Variants in DLGAP4 observed in about 807,000 individuals in gnomAD.
DLGAP4 encodes disks large-associated protein 4.
A neutral mutation model predicts 86.9 loss-of-function variants in DLGAP4; 18 were observed. That is an observed-to-expected ratio of 0.21 (90% CI 0.14 to 0.31). The LOEUF (loss-of-function observed/expected upper bound fraction) is 0.31, where lower values mean the gene tolerates loss of function less well. DLGAP4 is among the 10% of genes least tolerant of loss of function. The pLI is 1.00. For missense variants in DLGAP4, 1,085 were observed against 1,362.6 expected, an observed-to-expected ratio of 0.80 and a Z score of 3.21; for synonymous variants, 548 against 574.3, an observed-to-expected ratio of 0.95 and a Z score of 0.65.
At chr20:36,319,311 TC>T (rs2065142915) in intron 1 of DLGAP4, among the ~76,000 whole-genome samples, 1 of 151,980 alleles carries the variant, frequency 6.6e-6, no homozygotes, top group Admixed American at 6.6e-5. Context: ...AGCCTCAGTT[TC>T]CCCCGCTGTC....
chr20:36,386,872 A>G (rs967414546), intron 2 of DLGAP4, among the ~76,000 whole-genome samples: 2 of 152,218 alleles, frequency 1.3e-5, no homozygotes, highest in African/African-American at 2.4e-5. Context: ...TTATATCATA[A>G]TCAATTAATA....
At chr20:36,319,338 G>C (rs1163367115) in intron 1 of DLGAP4, among the ~76,000 whole-genome samples, 1 of 152,138 alleles carries the variant, frequency 6.6e-6, no homozygotes, top group African/African-American at 2.4e-5. Flanking sequence ...AGAGATAACA[G>C]TGTCATTGCC....
chr20:36,439,687 C>A, intron 4 of DLGAP4, 67 bp from the exon 5 acceptor site: 1 of 1,399,746 alleles, frequency 7.1e-7, no homozygotes, highest in South Asian at 1.2e-5. Context: ...CACAGATGGT[C>A]AAGGCCTCCA....
At chr20:36,330,068 G>C (rs1213655298) in intron 1 of DLGAP4, among the ~76,000 whole-genome samples, 1 of 150,620 alleles carries the variant, frequency 6.6e-6, no homozygotes, top group Non-Finnish European at 1.5e-5. Context: ...CATAATATCA[G>C]AAGCAGTCAT....
intron 2 of DLGAP4, among the ~76,000 whole-genome samples, chr20:36,405,573 G>A (rs558419736): frequency 4.6e-5 from 7 of 152,256 alleles, no homozygotes; most frequent in South Asian, 2.1e-4. Context: ...CATCCTAGGC[G>A]TGTGCTATTT....
intron 2 of DLGAP4, among the ~76,000 whole-genome samples, chr20:36,391,436 CT>C (rs1162047706): frequency 2.6e-5 from 4 of 152,176 alleles, no homozygotes; most frequent in Admixed American, 1.3e-4. Context: ...TCTATTCATC[CT>C]TTAAAGCCCA....
intron 7 of DLGAP4, chr20:36,461,574 T>C (rs2034052885): frequency 4.2e-6 from 4 of 955,734 alleles, no homozygotes; most frequent in Non-Finnish European, 5.0e-6. Context: ...GTCCACGTCG[T>C]CGCTGCCGCC....
chr20:36,419,280 A>G (rs1054081584), intron 2 of DLGAP4, among the ~76,000 whole-genome samples: 1 of 151,538 alleles, frequency 6.6e-6, no homozygotes, highest in Admixed American at 6.6e-5. Context: ...GTGCCACCAT[A>G]CCCAGCTAAT....
chr20:36,482,110 G>A (rs942918631), intron 7 of DLGAP4, among the ~76,000 whole-genome samples: 9 of 152,070 alleles, frequency 5.9e-5, no homozygotes, highest in Non-Finnish European at 1.2e-4. Flanking sequence ...TGCACTATTC[G>A]TCTCATCCCA....
intron 7 of DLGAP4, among the ~76,000 whole-genome samples, chr20:36,477,627 A>G (rs568949128): frequency 6.6e-6 from 1 of 152,046 alleles, no homozygotes. Context: ...TTCATTAGCT[A>G]CTTGCTCTAG....
intron 1 of DLGAP4, among the ~76,000 whole-genome samples, chr20:36,360,608 G>A (rs2030484432): frequency 6.6e-6 from 1 of 152,060 alleles, no homozygotes; most frequent in South Asian, 2.1e-4. Context: ...TGGCGGCTTG[G>A]TGGGTGGGTG....
At chr20:36,412,084 G>A (rs944914879) in intron 2 of DLGAP4, among the ~76,000 whole-genome samples, 1 of 152,230 alleles carries the variant, frequency 6.6e-6, no homozygotes, top group Non-Finnish European at 1.5e-5. Flanking sequence ...GCTCTTTAAG[G>A]GCTGAGGCCA....
chr20:36,437,217 C>A (rs1387475819), intron 4 of DLGAP4, among the ~76,000 whole-genome samples: 1 of 152,188 alleles, frequency 6.6e-6, no homozygotes, highest in African/African-American at 2.4e-5. Flanking sequence ...AAGAGCCCGG[C>A]CAATTGGAGA....
At chr20:36,512,142 C>T (rs1390735491) in intron 10 of DLGAP4, among the ~76,000 whole-genome samples, 1 of 150,508 alleles carries the variant, frequency 6.6e-6, no homozygotes, top group African/African-American at 2.4e-5. Context: ...GCTCCACCTC[C>T]CGGATTCATG....
chr20:36,526,845 G>A lies in DLGAP4; in HGVS notation c.2793G>A (p.Lys931=). The A allele has an allele frequency of 6.2e-7, 1 of 1,611,250 alleles. No individual in the cohort carries two copies. ...EEKKPPPPVP[K]KPAKSKPAVS... ...AGAAACCACCCCCTCCGGTCCCAAA[G>A]AAGCCAGCCAAATCCAAGCCGGCAG... Residue 931 remains lysine (K), a synonymous_variant, in exon 13 of 13, where the codon AAG becomes AAA. Coordinates refer to ENST00000339266, the MANE Select transcript of DLGAP4 (RefSeq NM_001365621.2).
intron 7 of DLGAP4, among the ~76,000 whole-genome samples, chr20:36,490,656 C>G (rs1184107319): frequency 1.3e-5 from 2 of 152,178 alleles, no homozygotes; most frequent in Non-Finnish European, 2.9e-5. Context: ...GTCTGTGGCC[C>G]CAGGGCACCT....
chr20:36,510,374 C>G (rs2036623898), intron 10 of DLGAP4, among the ~76,000 whole-genome samples: 1 of 152,012 alleles, frequency 6.6e-6, no homozygotes, highest in Admixed American at 6.6e-5. Context: ...AGCGATTCTC[C>G]TGCCTCAGCC....
chr20:36,447,901 T>A (rs796530435), intron 7 of DLGAP4, among the ~76,000 whole-genome samples: 3 of 52,324 alleles, frequency 5.7e-5, no homozygotes, highest in Non-Finnish European at 1.1e-4. Context: ...ATCAGGGGGG[T>A]GGGGGGGGGG....
chr20:36,367,925 G>A (rs2030754662), intron 2 of DLGAP4, among the ~76,000 whole-genome samples: 3 of 152,158 alleles, frequency 2.0e-5, no homozygotes, highest in Non-Finnish European at 4.4e-5. Flanking sequence ...CTAGTTCACA[G>A]ATGAGGAAAC....
Sources: allele counts gnomAD v4.1 joint callset (sites outside exome capture counted in the v4.1 genomes callset), GRCh38; gene constraint gnomAD v4.1.1; transcripts MANE v1.5; gene names NCBI Gene and HGNC (gene_info 2026-07-23, HGNC 2026-07-21).